The following CORO6 variants were observed in gnomAD, a reference collection of about 807,000 sequenced individuals.
CORO6 encodes coronin 6.
Under a neutral mutation model 49.0 loss-of-function variants are expected in CORO6, and 43 were observed. That is an observed-to-expected ratio of 0.88 (90% CI 0.69 to 1.13). The LOEUF is 1.13. Ranked by LOEUF, CORO6 falls within the 50% of genes most tolerant of loss-of-function variation. The pLI is 0.00. For missense variants in CORO6, 650 were observed against 647.0 expected, an observed-to-expected ratio of 1.00 and a Z score of -0.05; for synonymous variants, 233 against 256.5, an observed-to-expected ratio of 0.91 and a Z score of 0.88.
intron 6 of CORO6, 43 bp from the exon 7 acceptor site, chr17:29,617,085 C>T (rs781603158): frequency 2.0e-4 from 324 of 1,603,140 alleles, no homozygotes; most frequent in South Asian, 1.3e-3. Flanking sequence ...CCCCACCCTC[C>T]CGTGCTACTT....
intron 5 of CORO6, chr17:29,618,353 C>G (rs1319167296): frequency 1.5e-6 from 2 of 1,290,564 alleles, no homozygotes; most frequent in Non-Finnish European, 2.0e-6. Flanking sequence ...CGAGGGTTGC[C>G]CCATCCCCCG....
intron 5 of CORO6, chr17:29,617,821 G>C (rs1018552553): frequency 3.1e-5 from 22 of 698,680 alleles, no homozygotes; most frequent in Middle Eastern, 4.1e-4. Flanking sequence ...CCTGGAGAGA[G>C]CAGGAGGCAC....
chr17:29,618,102 C>T, intron 5 of CORO6: 3 of 1,470,326 alleles, frequency 2.0e-6, no homozygotes, highest in Non-Finnish European at 1.8e-6. Flanking sequence ...CGGTGCTGAG[C>T]AGCTTCCCGT....
At chr17:29,619,960 T>C (rs2035225456) in intron 2 of CORO6, among the ~76,000 whole-genome samples, 187 bp from the exon 3 acceptor site, 1 of 152,158 alleles carries the variant, frequency 6.6e-6, no homozygotes, top group Non-Finnish European at 1.5e-5. Context: ...TAATTTAATA[T>C]TAGGGACTGT....
At position 29,616,328 on chromosome 17, in the gene CORO6, T is replaced by C. The variant is rs1391009932; in HGVS notation, c.1013A>G (p.Lys338Arg). Residue 338 changes from lysine (K) to arginine (R), a missense_variant, in exon 9 of 11, where the codon AAG becomes AGG. Physicochemically the swap from Lys to Arg is conservative, Grantham distance 26. Transcript: ENST00000388767. The surrounding 1 kb of genome is among the most constrained non-coding windows in gnomAD (Gnocchi z 5.6). ...AGGTTCACACTTTCTTTCGTGTAGC[T>C]TGTAGAACCTATAAGGGAGCAGGGT... ...VSKCEIARFYKLHERKCEPII... is the reference protein window; with the variant it reads ...VSKCEIARFYRLHERKCEPII... 1.9e-6 allele frequency: 3 copies of C among 1,605,574 alleles called. No homozygotes were observed. The highest frequency in any genetic ancestry group is 2.6e-6 in the Non-Finnish European group (3 of 1,175,608).
In CORO6 at chr17:29,622,771, TC is replaced by T; in HGVS notation, c.-148del. The T allele has an allele frequency of 7.6e-7, 1 of 1,322,556 alleles. No homozygotes were observed. Among genetic ancestry groups the T allele is most frequent in the South Asian group, 1.2e-5 (1 of 82,112 alleles). 81.9% of individuals were successfully genotyped at this position (1,322,556 alleles called of 1,614,324 possible). A position where few individuals can be genotyped will look rare whatever the true frequency, so the allele number is the denominator to read the frequency against. On this transcript the variant is annotated 5_prime_UTR_variant, in exon 1 of 11. It introduces an in-frame stop codon into an upstream open reading frame of the 5' UTR. Coordinates refer to ENST00000388767, the MANE Select transcript of CORO6 (RefSeq NM_032854.4). ...AGTGCGTAGGGGGCCGAGGAAGGCT[TC>T]AGGGCGAAGGAGCCACCTCTCCGGG...
intron 6 of CORO6, 197 bp from the exon 7 acceptor site, chr17:29,617,239 T>C: frequency 1.3e-6 from 2 of 1,535,362 alleles, no homozygotes; most frequent in Non-Finnish European, 1.7e-6. Flanking sequence ...CCTGCACATA[T>C]ACCCGCTGCG....
Position 29,616,875 on chromosome 17 carries a change from G to T in CORO6, c.859-28C>A, listed in dbSNP as rs773724310. 1.9e-6 allele frequency: 3 copies of T among 1,612,876 alleles called. No homozygotes were observed. Among genetic ancestry groups the T allele is most frequent in the Non-Finnish European group, 1.7e-6 (2 of 1,179,594 alleles). On this transcript the variant is annotated intron_variant, in intron 7 of 10. Transcript: ENST00000388767. This position sits in a 1 kb window ranked among gnomAD's most constrained non-coding sequence, Gnocchi z 5.6. The stretch of plus-strand genomic sequence containing the variant: ...GCAAAATCAGTCGGTTCAGGGGCGC[G>T]CCCGGACAAGGCCCTCCACATCTCC...
chr17:29,622,634 GA>G, intron 1 of CORO6, 53 bp downstream of exon 1: 5 of 1,080,444 alleles, frequency 4.6e-6, no homozygotes, highest in Non-Finnish European at 5.9e-6. Context: ...GCCCCTCAGG[GA>G]CCCCGCCCGC....
intron 5 of CORO6, chr17:29,618,132 C>T: frequency 7.1e-7 from 1 of 1,410,980 alleles, no homozygotes; most frequent in Middle Eastern, 1.9e-4. Flanking sequence ...AGACAGCCCG[C>T]AGCGGGCGGG....
rs187008656 is a variant in CORO6 at position 29,617,676 on chromosome 17, T to G, written c.634-57A>C. On this transcript the variant is annotated intron_variant, in intron 5 of 10. Coordinates refer to ENST00000388767, the MANE Select transcript of CORO6 (RefSeq NM_032854.4). ...ACCCAGCTGCCTGCCCTGAGGAGCA[T>G]GGAGGGATGAGCAACCAGCTTGCTG... is the stretch of plus-strand genomic sequence containing the variant. 2.0e-6 allele frequency: 3 copies of G among 1,491,810 alleles called. No individual in the cohort carries two copies. The African/African-American group carries it at 4.2e-5, about 21-fold the overall frequency. 92.4% of individuals were successfully genotyped at this position (1,491,810 alleles called of 1,614,324 possible).
At chr17:29,617,424 C>T (rs182725588) in intron 6 of CORO6, 76 bp downstream of exon 6, 14 of 1,551,948 alleles carry the variant, frequency 9.0e-6, no homozygotes, top group Non-Finnish European at 1.2e-5. Flanking sequence ...GCATGCCCTG[C>T]GGGTGGGGGG....
Position 29,615,796 on chromosome 17 carries a change from G to A in CORO6, c.1355C>T (p.Ala452Val). The A allele has an allele frequency of 6.4e-7, 1 of 1,565,492 alleles. No individual in the cohort carries two copies. Residue 452 changes from alanine to valine, a missense_variant, in exon 11 of 11, where the codon GCC becomes GTC. By Grantham distance (64) the Ala-to-Val change is moderately conservative (BLOSUM62 0). Coordinates refer to ENST00000388767, the MANE Select transcript of CORO6 (RefSeq NM_032854.4). The stretch of plus-strand genomic sequence containing the variant: ...CAGAGCCGTGATGCGCTGCTCCTGG[G>A]CCTGCACCCGCTCGCGGAGGGCCTT... ...EIKALRERVQ[A>V]QEQRITALEN... is the part of the protein sequence containing the mutation.
At chr17:29,618,359 C>T (rs1320907381) in intron 5 of CORO6, 2 of 1,286,608 alleles carry the variant, frequency 1.6e-6, no homozygotes, top group Non-Finnish European at 2.0e-6. Context: ...TTGCCCCATC[C>T]CCCGCCCAGC....
chr17:29,620,436 T>G (rs915177670), intron 2 of CORO6, among the ~76,000 whole-genome samples: 1 of 152,154 alleles, frequency 6.6e-6, no homozygotes, highest in Non-Finnish European at 1.5e-5. Flanking sequence ...CGGCTGAAAT[T>G]TGAGCCCTGG....
At chr17:29,618,282 T>G in intron 5 of CORO6, 3 of 1,300,092 alleles carry the variant, frequency 2.3e-6, no homozygotes. Flanking sequence ...AGGTTAGACT[T>G]GAGGCTGGCG....
At chr17:29,620,053 C>A (rs184625815) in intron 2 of CORO6, among the ~76,000 whole-genome samples, 3 of 152,214 alleles carry the variant, frequency 2.0e-5, no homozygotes, top group East Asian at 3.8e-4. Context: ...CAGCCCAGTG[C>A]TCTTCCAAAG....
intron 3 of CORO6, 86 bp from the exon 4 acceptor site, chr17:29,619,275 A>T: frequency 1.3e-6 from 2 of 1,508,158 alleles, no homozygotes; most frequent in Non-Finnish European, 1.8e-6. Context: ...TTTTAACCCT[A>T]CTGGCTCTCT....
chr17:29,619,916 C>T lies in CORO6; in HGVS notation c.199-143G>A, dbSNP rs774086397. 377 of 659,108 alleles carry T rather than the reference C, an allele frequency of 5.7e-4. 1 individual carries two copies. The highest frequency in any genetic ancestry group is 2.9e-3 in the Middle Eastern group (7 of 2,380). The allele number at this position is 659,108 out of a possible 1,614,324, so 40.8% of individuals were successfully genotyped here. ...TCTGCACTTCTAACCCCATCCAGTCCACTTCCTGCACTTTACTGAAGGCAG... is the reference window on the plus strand; with the variant it reads ...TCTGCACTTCTAACCCCATCCAGTCTACTTCCTGCACTTTACTGAAGGCAG... On this transcript the variant is annotated intron_variant, in intron 2 of 10. Transcript: ENST00000388767.
Sources: gnomAD v4.1 joint callset for allele counts (sites outside exome capture counted in the v4.1 genomes callset) on GRCh38, gnomAD v4.1.1 for gene constraint, Gnocchi (gnomAD v3.1) non-coding constraint, MANE v1.5 for transcripts, NCBI Gene and HGNC (gene_info 2026-07-23, HGNC 2026-07-21) for gene names.